Variants in COL28A1 observed in about 807,000 individuals in gnomAD.
COL28A1 encodes collagen alpha-1(XXVIII) chain.
COL28A1 carries 161 observed loss-of-function variants against 150.2 expected under a neutral mutation model. The observed-to-expected ratio is 1.07, with a 90% confidence interval of 0.94 to 1.22. COL28A1 has a LOEUF of 1.22. Ranked by LOEUF, COL28A1 falls within the 50% of genes most tolerant of loss-of-function variation. The probability of loss-of-function intolerance (pLI) is 0.00; values close to 1 mark genes in which losing one functional copy is unlikely to be tolerated. For missense variants in COL28A1, 1,617 were observed against 1,388.3 expected (o/e 1.16, Z -2.62); for synonymous variants, 552 against 469.7 (o/e 1.18, Z -2.26).
intron 19 of COL28A1, among the ~76,000 whole-genome samples, 166 bp downstream of exon 19, chr7:7,444,252 C>A (rs1460489300): frequency 6.6e-6 from 1 of 152,112 alleles, no homozygotes; most frequent in Non-Finnish European, 1.5e-5. Flanking sequence ...GAATAGGCCA[C>A]TCCTTCTCTC....
At chr7:7,378,009 G>A (rs1781657197) in intron 30 of COL28A1, among the ~76,000 whole-genome samples, 1 of 152,212 alleles carries the variant, frequency 6.6e-6, no homozygotes, top group Non-Finnish European at 1.5e-5. Context: ...ATAGGGGCAG[G>A]TTGGGAGCTC....
intron 18 of COL28A1, among the ~76,000 whole-genome samples, chr7:7,448,104 C>A (rs1017281059): frequency 1.3e-5 from 2 of 152,068 alleles, no homozygotes; most frequent in African/African-American, 2.4e-5. Context: ...CACTGGAGTT[C>A]CTGAGGTGAG....
At chr7:7,374,851 T>G (rs1781459674) in intron 31 of COL28A1, among the ~76,000 whole-genome samples, 1 of 152,166 alleles carries the variant, frequency 6.6e-6, no homozygotes. Context: ...TCTGACCACT[T>G]TAAACCCAGA....
intron 31 of COL28A1, among the ~76,000 whole-genome samples, chr7:7,374,373 T>C (rs1372231197): frequency 2.0e-5 from 3 of 152,070 alleles, no homozygotes; most frequent in East Asian, 3.9e-4. Flanking sequence ...GGTAGAAGGA[T>C]TGGGACCTTA....
chr7:7,339,965 G>A, the COL28A1 span, among the ~76,000 whole-genome samples: 1 of 152,042 alleles, frequency 6.6e-6, no homozygotes, highest in African/African-American at 2.4e-5. Context: ...CACAAATGTT[G>A]ATTTGATAGT....
downstream of COL28A1, among the ~76,000 whole-genome samples, chr7:7,355,774 G>A (rs1780337062): frequency 6.6e-6 from 1 of 152,022 alleles, no homozygotes; most frequent in Non-Finnish European, 1.5e-5. Context: ...GAAACAAATG[G>A]GTATGATATA....
At chr7:7,504,517 A>G (rs1780704721) in intron 11 of COL28A1, among the ~76,000 whole-genome samples, 1 of 152,066 alleles carries the variant, frequency 6.6e-6, no homozygotes, top group Non-Finnish European at 1.5e-5. Context: ...GAGAGAGAGA[A>G]GAAGAAGAAG....
intron 27 of COL28A1, among the ~76,000 whole-genome samples, chr7:7,401,186 G>A (rs949863255): frequency 3.3e-5 from 5 of 151,782 alleles, no homozygotes; most frequent in Non-Finnish European, 7.4e-5. Flanking sequence ...TACCCCACTG[G>A]CCACTCCATC....
At chr7:7,449,508 A>G (rs760987702) in intron 18 of COL28A1, among the ~76,000 whole-genome samples, 1 of 151,876 alleles carries the variant, frequency 6.6e-6, no homozygotes, top group Non-Finnish European at 1.5e-5. Flanking sequence ...TAAACATTGT[A>G]CAAGTGATCC....
At chr7:7,516,129 T>C (rs923345118) in intron 7 of COL28A1, among the ~76,000 whole-genome samples, 6 of 152,278 alleles carry the variant, frequency 3.9e-5, no homozygotes, top group Admixed American at 2.0e-4. Flanking sequence ...GGAGATAATG[T>C]ACACTGAAAG....
rs551237304 is a variant in COL28A1, at chr7:7,531,582, A to T, written c.447T>A (p.Arg149=). Residue 149 remains arginine (R), a synonymous_variant, in exon 3 of 35, where the codon CGT becomes CGA. Coordinates refer to ENST00000399429, the MANE Select transcript of COL28A1 (RefSeq NM_001037763.3). ...GCAAAACCACTTTCACACCATCCTTACGCCCTTCTCTCTTAAGTAGCCTAG... is the reference window on the plus strand; with the variant it reads ...GCAAAACCACTTTCACACCATCCTTTCGCCCTTCTCTCTTAAGTAGCCTAG... The part of the protein sequence containing the change: ...NATRLLKREG[R]KDGVKVVLLM... 1.2e-6 allele frequency: 2 copies of T among 1,603,900 alleles called. No homozygotes were observed. Among genetic ancestry groups the T allele is most frequent in the Non-Finnish European group, 1.7e-6 (2 of 1,170,686 alleles).
chr7:7,416,720 T>A (rs931790244), intron 27 of COL28A1, among the ~76,000 whole-genome samples: 10 of 152,224 alleles, frequency 6.6e-5, no homozygotes, highest in African/African-American at 2.2e-4. Context: ...TTAGAAGACC[T>A]GCTGTAGAAG....
At chr7:7,372,579 CT>C (rs964383021) in intron 32 of COL28A1, among the ~76,000 whole-genome samples, 3 of 152,024 alleles carry the variant, frequency 2.0e-5, no homozygotes, top group Non-Finnish European at 4.4e-5. Context: ...ATGACCATAA[CT>C]TTTTTTTCAT....
intron 20 of COL28A1, among the ~76,000 whole-genome samples, chr7:7,441,090 A>G (rs1785744263): frequency 1.3e-5 from 2 of 152,182 alleles, no homozygotes; most frequent in South Asian, 4.1e-4. Context: ...TTTTTCAAAA[A>G]TCTAAGTTTT....
Position 7,373,392 on chromosome 7 carries a change from G to C in COL28A1, c.2514C>G (p.Gly838=). ...VALDLATARI[G]IINYSHKVEK... is the part of the protein sequence containing the mutation. The stretch of plus-strand genomic sequence containing the variant: ...CCACCTTATGGCTATAGTTGATTAT[G>C]CCTATGCGGGCCGTGGCAAGGTCCA... The change falls in exon 32 of 35, where the codon GGC becomes GGG. Residue 838 remains glycine (G), a synonymous_variant. Coordinates refer to ENST00000399429, the MANE Select transcript of COL28A1 (RefSeq NM_001037763.3). This position sits in a 1 kb window ranked among gnomAD's most constrained non-coding sequence, Gnocchi z 4.1. The C allele has an allele frequency of 1.2e-6, 2 of 1,614,148 alleles. No homozygotes were observed. The highest frequency in any genetic ancestry group is 1.7e-6 in the Non-Finnish European group (2 of 1,180,038).
At chr7:7,460,690 G>C (rs1159584195) in intron 15 of COL28A1, among the ~76,000 whole-genome samples, 1 of 152,180 alleles carries the variant, frequency 6.6e-6, no homozygotes, top group African/African-American at 2.4e-5. Context: ...CCAAGTCAAT[G>C]TTTTTAACAA....
chr7:7,396,404 G>A (rs1782839669), intron 27 of COL28A1, among the ~76,000 whole-genome samples: 1 of 152,152 alleles, frequency 6.6e-6, no homozygotes, highest in Non-Finnish European at 1.5e-5. Flanking sequence ...TCCGAACAAA[G>A]GCTTTGCTGG....
At chr7:7,498,472 A>G (rs1028801400) in intron 11 of COL28A1, among the ~76,000 whole-genome samples, 49 of 152,162 alleles carry the variant, frequency 3.2e-4, no homozygotes, top group African/African-American at 1.1e-3. Flanking sequence ...GGAGGGAAAC[A>G]TGGGGAGTTA....
At chr7:7,381,840 G>C (rs1358573944) in intron 27 of COL28A1, among the ~76,000 whole-genome samples, 1 of 152,116 alleles carries the variant, frequency 6.6e-6, no homozygotes. Flanking sequence ...AGGAGTGAGG[G>C]CTCTGATTTA....
Sources: allele counts gnomAD v4.1 joint callset (sites outside exome capture counted in the v4.1 genomes callset), GRCh38; gene constraint gnomAD v4.1.1; non-coding constraint Gnocchi (gnomAD v3.1); transcripts MANE v1.5; gene names NCBI Gene and HGNC (gene_info 2026-07-23, HGNC 2026-07-21).